The following PSMA6 variants were observed in gnomAD, a reference collection of about 807,000 sequenced individuals.
PSMA6 encodes the protein proteasome subunit alpha type-6.
For missense variants in PSMA6, 170 were observed against 294.8 expected, an observed-to-expected ratio of 0.58 and a Z score of 3.10; for synonymous variants, 88 against 97.7, an observed-to-expected ratio of 0.90 and a Z score of 0.59.
intron 1 of PSMA6, among the ~76,000 whole-genome samples, chr14:35,295,111 G>A (rs1045553686): frequency 1.3e-5 from 2 of 152,230 alleles, no homozygotes. Context: ...GGCGAGGTGG[G>A]CAGATTACCT....
At chr14:35,304,563 C>G (rs757798592) in intron 1 of PSMA6, among the ~76,000 whole-genome samples, 1 of 152,028 alleles carries the variant, frequency 6.6e-6, no homozygotes, top group Non-Finnish European at 1.5e-5. Flanking sequence ...AACCTCGTCT[C>G]TACTAAAAAT....
At position 35,317,000 on chromosome 14, in the gene PSMA6, A is replaced by G. The variant is rs901412436; in HGVS notation, c.684-249A>G. 34 of 373,668 alleles carry G rather than the reference A, an allele frequency of 9.1e-5. No homozygotes were observed. The East Asian group carries it at 9.7e-4, about 11-fold the overall frequency. 23.1% of individuals were successfully genotyped at this position (373,668 alleles called of 1,614,324 possible). ...TAAAGAATTTTATTTTCAAGATACA[A>G]TTCTAAATCTGATGTCAAAGTAAAC... On this transcript the variant is annotated intron_variant, in intron 6 of 6. Coordinates refer to ENST00000261479, the MANE Select transcript of PSMA6 (RefSeq NM_002791.3).
In PSMA6 at chr14:35,284,990, T is replaced by G. The variant is rs192532959; in HGVS notation, c.19+6272T>G. 2.0e-5 allele frequency among the ~76,000 whole-genome samples: 3 copies of G among 152,266 alleles called. No homozygotes were observed. In the East Asian group the frequency reaches 5.8e-4, roughly 29 times the overall value. On this transcript the variant is annotated intron_variant, in intron 1 of 6. Transcript: ENST00000540871. Reference sequence around the variant, plus strand: ...CTTGCCTTTGTTTCACCATTATGGATGAAATACATTTAGAGTGAAGTTTGA... The same window carrying G: ...CTTGCCTTTGTTTCACCATTATGGAGGAAATACATTTAGAGTGAAGTTTGA...
chr14:35,304,199 C>T (rs1359254468), intron 1 of PSMA6, among the ~76,000 whole-genome samples: 2 of 152,148 alleles, frequency 1.3e-5, no homozygotes, highest in Non-Finnish European at 2.9e-5. Flanking sequence ...TCTTGAACTC[C>T]TGACTTCAGG....
intron 1 of PSMA6, among the ~76,000 whole-genome samples, chr14:35,293,618 A>C (rs961233927): frequency 2.0e-5 from 3 of 152,234 alleles, no homozygotes; most frequent in African/African-American, 7.2e-5. Flanking sequence ...GAAACTGCTC[A>C]GTGTATTACT....
chr14:35,285,701 C>G (rs2051415486), intron 1 of PSMA6, among the ~76,000 whole-genome samples: 1 of 152,222 alleles, frequency 6.6e-6, no homozygotes, highest in Admixed American at 6.5e-5. Context: ...ACCTCCCTTT[C>G]CCCACCTTCA....
rs2051503613 is a variant in PSMA6, at chr14:35,292,481, C to T, written c.5C>T (p.Ser2Phe). Reference sequence around the variant, plus strand: ...TAAAGTAGTGCTTCTACCAACATGTCCCGTGGTTCCAGCGCCGGTTTTGAC... The same window carrying T: ...TAAAGTAGTGCTTCTACCAACATGTTCCGTGGTTCCAGCGCCGGTTTTGAC... M[S>F]RGSSAGFDRH... Residue 2 changes from serine (S) to phenylalanine (F), a missense_variant, in exon 1 of 7, where the codon TCC becomes TTC. Coordinates refer to ENST00000261479, the MANE Select transcript of PSMA6 (RefSeq NM_002791.3). 4 of 1,613,678 alleles carry T rather than the reference C, an allele frequency of 2.5e-6. No individual in the cohort carries two copies. The highest frequency in any genetic ancestry group is 3.4e-6 in the Non-Finnish European group (4 of 1,179,760).
chr14:35,314,253 T>C (rs1198477942), intron 5 of PSMA6, 108 bp from the exon 6 acceptor site: 15 of 1,263,772 alleles, frequency 1.2e-5, no homozygotes, highest in Admixed American at 3.2e-5. Flanking sequence ...AACTACCTCA[T>C]TGAAACATGG....
At chr14:35,312,201 A>T (rs1293675224) in intron 4 of PSMA6, among the ~76,000 whole-genome samples, 4 of 11,408 alleles carry the variant, frequency 3.5e-4, no homozygotes, top group East Asian at 0.024. Flanking sequence ...TCGTCTCCTA[A>T]AAAAAAAAAA....
At chr14:35,286,030 G>GC (rs1027716148) in intron 1 of PSMA6, among the ~76,000 whole-genome samples, 3 of 152,190 alleles carry the variant, frequency 2.0e-5, no homozygotes, top group African/African-American at 7.2e-5. Flanking sequence ...TCATCAGTGC[G>GC]CCCCCTCCTT....
intron 6 of PSMA6, 29 bp downstream of exon 6, chr14:35,314,484 C>G (rs371132352): frequency 1.5e-5 from 24 of 1,596,942 alleles, no homozygotes; most frequent in African/African-American, 1.1e-4. Context: ...CACATGCAGA[C>G]TAGAAAGGTG....
intron 1 of PSMA6, among the ~76,000 whole-genome samples, chr14:35,286,593 G>A (rs1416175682): frequency 1.3e-5 from 2 of 152,154 alleles, no homozygotes; most frequent in African/African-American, 4.8e-5. Context: ...AAACAAGGGT[G>A]AACTGAAAAG....
At chr14:35,302,947 GT>G (rs2051744749) in intron 1 of PSMA6, among the ~76,000 whole-genome samples, 1 of 152,058 alleles carries the variant, frequency 6.6e-6, no homozygotes, top group African/African-American at 2.4e-5. Context: ...TATAATGGTT[GT>G]TTTTAATTCT....
At chr14:35,280,300 T>C (rs1432808013) in intron 1 of PSMA6, among the ~76,000 whole-genome samples, 1 of 151,630 alleles carries the variant, frequency 6.6e-6, no homozygotes, top group Non-Finnish European at 1.5e-5. Context: ...ACAACAAAAA[T>C]GTATTTTTCT....
chr14:35,287,336 C>T (rs2051430453), intron 1 of PSMA6, among the ~76,000 whole-genome samples: 1 of 152,186 alleles, frequency 6.6e-6, no homozygotes, highest in Non-Finnish European at 1.5e-5. Flanking sequence ...GGATACTCCT[C>T]TAAGATGCTG....
chr14:35,310,602 G>A (rs1360676450), intron 3 of PSMA6, 138 bp from the exon 4 acceptor site: 3 of 780,264 alleles, frequency 3.8e-6, no homozygotes, highest in African/African-American at 3.5e-5. Context: ...TTCATTGGGG[G>A]AGAAAAAGCC....
At chr14:35,315,597 C>T (rs1265491845) in intron 6 of PSMA6, 4 of 150,328 alleles carry the variant, frequency 2.7e-5, no homozygotes, top group African/African-American at 7.4e-5. Context: ...ACACCAAAAG[C>T]GAATCTATCC....
intron 4 of PSMA6, among the ~76,000 whole-genome samples, chr14:35,311,657 C>T (rs2051946713): frequency 6.6e-6 from 1 of 152,100 alleles, no homozygotes; most frequent in African/African-American, 2.4e-5. Flanking sequence ...CCATTAAGTA[C>T]TTTGTTACCT....
chr14:35,307,008 C>G (rs2051840631), intron 1 of PSMA6, among the ~76,000 whole-genome samples: 1 of 151,734 alleles, frequency 6.6e-6, no homozygotes, highest in African/African-American at 2.4e-5. Flanking sequence ...CTTAGCTGGG[C>G]ATGGTGGTGT....
Sources: gnomAD v4.1 joint callset for allele counts (sites outside exome capture counted in the v4.1 genomes callset) on GRCh38, gnomAD v4.1.1 for gene constraint, MANE v1.5 for transcripts, NCBI Gene and HGNC (gene_info 2026-07-23, HGNC 2026-07-21) for gene names.